MYH10: variants seen among roughly 807,000 people sequenced by gnomAD.
The protein encoded by MYH10 is myosin-10.
Under a neutral mutation model 257.8 loss-of-function variants are expected in MYH10, and 55 were observed. The ratio of observed to expected loss-of-function variants is 0.21; its 90% CI spans 0.17 to 0.27. MYH10 has a LOEUF of 0.27. MYH10 is among the 10% of genes least tolerant of loss of function. MYH10 has a pLI of 1.00. For missense variants in MYH10, 1,631 were observed against 2,500.6 expected (o/e 0.65, Z 7.42); for synonymous variants, 854 against 921.7 (o/e 0.93, Z 1.33).
At chr17:8,531,696 CTCT>C (rs2082008446) in intron 16 of MYH10, among the ~76,000 whole-genome samples, 1 of 151,956 alleles carries the variant, frequency 6.6e-6, no homozygotes, top group Admixed American at 6.6e-5. Context: ...CAGCCATAAA[CTCT>C]ATTTTAACAC....
At chr17:8,492,544 G>C in intron 33 of MYH10, 35 bp from the exon 34 acceptor site, 1 of 1,572,540 alleles carries the variant, frequency 6.4e-7, no homozygotes, top group Non-Finnish European at 8.6e-7. Context: ...ACGAAAAACC[G>C]AAACAGTGAC....
rs1386426929 is a variant in MYH10, at chr17:8,569,936, G to A, written c.664-124C>T. On this transcript the variant is annotated intron_variant, in intron 6 of 42. Coordinates refer to ENST00000360416, the MANE Select transcript of MYH10 (RefSeq NM_001256012.3). This position sits in a 1 kb window ranked among gnomAD's most constrained non-coding sequence, Gnocchi z 4.1. ...ATCTTTTCCTCAGTTCTTTCATTCT[G>A]TCTGCCATCCAGCAACTTTTGTTGG... 1 of 677,206 alleles carries A rather than the reference G, an allele frequency of 1.5e-6. No homozygotes were observed. Among genetic ancestry groups the A allele is most frequent in the Middle Eastern group, 4.0e-4 (1 of 2,472 alleles). 41.9% of individuals were successfully genotyped at this position (677,206 alleles called of 1,614,324 possible). A position where few individuals can be genotyped will look rare whatever the true frequency, so the allele number is the denominator to read the frequency against.
chr17:8,488,611 CAA>C (rs1883086719), intron 35 of MYH10, among the ~76,000 whole-genome samples: 1 of 152,232 alleles, frequency 6.6e-6, no homozygotes, highest in Admixed American at 6.5e-5. Flanking sequence ...CCGCTTCCTG[CAA>C]AGAGGATGAT....
At chr17:8,515,958 T>C (rs1225931266) in intron 21 of MYH10, among the ~76,000 whole-genome samples, 1 of 152,260 alleles carries the variant, frequency 6.6e-6, no homozygotes, top group Non-Finnish European at 1.5e-5. Flanking sequence ...CCTTCAGGAA[T>C]GCTGTACAAA....
At chr17:8,512,068 C>T (rs1567825557) in intron 24 of MYH10, among the ~76,000 whole-genome samples, 1 of 152,176 alleles carries the variant, frequency 6.6e-6, no homozygotes, top group Non-Finnish European at 1.5e-5. Flanking sequence ...CTGAGCGTTT[C>T]TTATTAGCCA....
intron 42 of MYH10, among the ~76,000 whole-genome samples, 153 bp from the exon 43 acceptor site, chr17:8,476,101 T>G (rs1241425893): frequency 6.6e-6 from 1 of 152,192 alleles, no homozygotes; most frequent in Admixed American, 6.5e-5. Flanking sequence ...GGGGAAGGAC[T>G]GCGTGCTTTT....
chr17:8,539,453 G>C (rs1597777175), intron 14 of MYH10, among the ~76,000 whole-genome samples: 1 of 152,096 alleles, frequency 6.6e-6, no homozygotes, highest in Admixed American at 6.5e-5. Flanking sequence ...AGGAACCAAT[G>C]AGCTCACCAC....
At chr17:8,551,010 C>T (rs894962843) in intron 9 of MYH10, among the ~76,000 whole-genome samples, 11 of 151,266 alleles carry the variant, frequency 7.3e-5, no homozygotes, top group Admixed American at 1.3e-4. Context: ...CTGCGGAAGG[C>T]CGCAGGGTCC....
intron 9 of MYH10, among the ~76,000 whole-genome samples, chr17:8,550,363 A>G (rs1411756219): frequency 7.4e-6 from 1 of 135,310 alleles, no homozygotes; most frequent in Non-Finnish European, 1.6e-5. Context: ...TGTGAGGAGC[A>G]CCTCTGCCCG....
At chr17:8,595,422 G>GTTTT (rs1164524057) in intron 3 of MYH10, among the ~76,000 whole-genome samples, 2 of 61,178 alleles carry the variant, frequency 3.3e-5, no homozygotes, top group African/African-American at 1.4e-4. Flanking sequence ...AGTAAGAACA[G>GTTTT]TTCTTTTTTT....
intron 40 of MYH10, 61 bp downstream of exon 40, chr17:8,480,049 G>A: frequency 6.4e-7 from 1 of 1,563,918 alleles, no homozygotes; most frequent in Non-Finnish European, 8.7e-7. Context: ...GGGCATGCCT[G>A]TTTTGTCTCT....
chr17:8,491,927 C>T (rs1915835688), intron 34 of MYH10, among the ~76,000 whole-genome samples: 1 of 152,212 alleles, frequency 6.6e-6, no homozygotes, highest in African/African-American at 2.4e-5. Flanking sequence ...ATTCCCTCCT[C>T]CTCCTCTCCA....
rs774823850 is a variant in MYH10 at position 8,548,769 on chromosome 17, C to T, written c.938G>A (p.Gly313Glu). Residue 313 changes from glycine to glutamate, a missense_variant, in exon 10 of 43, where the codon GGA becomes GAA. Gly to Glu is a moderately conservative substitution (Grantham distance 98). Coordinates refer to ENST00000360416, the MANE Select transcript of MYH10 (RefSeq NM_001256012.3). The part of the protein sequence containing the change: ...EHLKSDLLLE[G>E]FNNYRFLSNG... Reference sequence around the variant, plus strand: ...GGAGAGAAACCTGTAGTTATTAAATCCTTCAAGAAGCAAATCAGCTAAAAG... The same window carrying T: ...GGAGAGAAACCTGTAGTTATTAAATTCTTCAAGAAGCAAATCAGCTAAAAG... The T allele has an allele frequency of 6.2e-7, 1 of 1,611,850 alleles. No individual in the cohort carries two copies. The highest frequency in any genetic ancestry group is 1.7e-5 in the Admixed American group (1 of 59,788).
At chr17:8,520,700 T>C (rs570803687) in intron 19 of MYH10, among the ~76,000 whole-genome samples, 178 bp downstream of exon 19, 44 of 152,288 alleles carry the variant, frequency 2.9e-4, no homozygotes, top group Middle Eastern at 3.4e-3. Flanking sequence ...TCAATCTTCC[T>C]ACCAATAATC....
In MYH10 at chr17:8,558,041, T is replaced by A. The variant is rs933716288; in HGVS notation, c.757-4023A>T. Among the ~76,000 whole-genome samples the A allele has an allele frequency of 3.0e-4, 45 of 152,324 alleles. 1 individual carries two copies. The highest frequency in any genetic ancestry group is 1.8e-3 in the Admixed American group (27 of 15,302). On this transcript the variant is annotated intron_variant, in intron 7 of 42. Transcript: ENST00000360416. The stretch of plus-strand genomic sequence containing the variant: ...GACTATCAGTGGTGAGCATTTAGTA[T>A]TTTTCTTCTATAGAGACCTTGTTAA...
intron 4 of MYH10, among the ~76,000 whole-genome samples, chr17:8,582,052 G>A (rs1263606545): frequency 6.6e-6 from 1 of 152,176 alleles, no homozygotes; most frequent in Non-Finnish European, 1.5e-5. Flanking sequence ...TGGTAGTGGT[G>A]ATACCAATAG....
At chr17:8,493,625 A>C (rs1346884382) in intron 32 of MYH10, 108 bp downstream of exon 32, 1 of 1,283,356 alleles carries the variant, frequency 7.8e-7, no homozygotes, top group African/African-American at 1.5e-5. Flanking sequence ...ATTTAGTACG[A>C]CCTAATTAAC....
intron 9 of MYH10, among the ~76,000 whole-genome samples, chr17:8,551,586 A>T (rs1027137889): frequency 2.6e-5 from 4 of 152,096 alleles, no homozygotes; most frequent in African/African-American, 9.7e-5. Flanking sequence ...CCAACTCTAA[A>T]CTTCTAGTCC....
chr17:8,481,477 G>T, intron 37 of MYH10, 67 bp from the exon 38 acceptor site: 8 of 1,414,810 alleles, frequency 5.7e-6, no homozygotes, highest in Non-Finnish European at 7.9e-6. Context: ...ATCTGACAGT[G>T]CCTGGAGCTA....
Sources: allele counts gnomAD v4.1 joint callset (sites outside exome capture counted in the v4.1 genomes callset), GRCh38; gene constraint gnomAD v4.1.1; non-coding constraint Gnocchi (gnomAD v3.1); transcripts MANE v1.5; gene names NCBI Gene and HGNC (gene_info 2026-07-23, HGNC 2026-07-21).